Variants in MAP9 observed in about 807,000 individuals in gnomAD.
The protein encoded by MAP9 is microtubule-associated protein 9.
Under a neutral mutation model 75.2 loss-of-function variants are expected in MAP9, and 80 were observed. That is an observed-to-expected ratio of 1.06 (90% CI 0.89 to 1.28). MAP9 has a LOEUF of 1.28. Ranked by LOEUF, MAP9 falls within the 50% of genes most tolerant of loss-of-function variation. The pLI is 0.00. For synonymous variants in MAP9, 235 were observed against 237.3 expected (o/e 0.99, Z 0.09); for missense variants, 753 against 719.9 (o/e 1.05, Z -0.53).
Position 155,357,434 on chromosome 4 carries a change from T to C in MAP9, c.1121+15A>G. ...ATGCAAGCCCATAAATGACAAATAT[T>C]GGTAACTTTATTACCTGGCAGATGC... On this transcript the variant is annotated intron_variant, in intron 8 of 13. Transcript: ENST00000311277. 1 of 1,488,800 alleles carries C rather than the reference T, an allele frequency of 6.7e-7. No individual in the cohort carries two copies. The highest frequency in any genetic ancestry group is 1.1e-5 in the South Asian group (1 of 87,676). The allele number at this position is 1,488,800 out of a possible 1,614,324, so 92.2% of individuals were successfully genotyped here. A position where few individuals can be genotyped will look rare whatever the true frequency, so the allele number is the denominator to read the frequency against.
chr4:155,376,695 C>T (rs1000797466), intron 1 of MAP9, 76 bp downstream of exon 1: 14 of 153,184 alleles, frequency 9.1e-5, no homozygotes, highest in African/African-American at 3.1e-4. Context: ...CTTTCTGTTC[C>T]CGGCCCCGGA....
chr4:155,348,040 G>T, intron 13 of MAP9, 135 bp from the exon 14 acceptor site: 1 of 610,778 alleles, frequency 1.6e-6, no homozygotes, highest in Admixed American at 3.4e-5. Context: ...AGATCATAAA[G>T]AAATAACAGG....
At chr4:155,356,096 G>A (rs1182699987) in intron 8 of MAP9, among the ~76,000 whole-genome samples, 1 of 152,020 alleles carries the variant, frequency 6.6e-6, no homozygotes, top group African/African-American at 2.4e-5. Flanking sequence ...GTGAAACCCT[G>A]TCTCTACCAA....
At chr4:155,359,208 T>TACACACAC (rs747371949) in intron 7 of MAP9, among the ~76,000 whole-genome samples, 1 of 89,638 alleles carries the variant, frequency 1.1e-5, no homozygotes, top group Non-Finnish European at 2.2e-5. Flanking sequence ...AGAAAATGTG[T>TACACACAC]ATACACACAC....
At chr4:155,355,365 A>G (rs1731725745) in intron 9 of MAP9, among the ~76,000 whole-genome samples, 2 of 152,272 alleles carry the variant, frequency 1.3e-5, no homozygotes, top group South Asian at 4.1e-4. Flanking sequence ...CATCTCAGGA[A>G]AGAAAAAATT....
Position 155,368,823 on chromosome 4 carries a change from A to C in MAP9, c.482-11T>G, listed in dbSNP as rs571485218. ...GGCTGTTGTTTTCTGCTGAAAAATA[A>C]AATGCTTAAAGTGTGTGTATAAAAA... On this transcript the variant is annotated splice_polypyrimidine_tract_variant and intron_variant, in intron 4 of 13. Transcript: ENST00000311277. 1 of 1,594,492 alleles carries C rather than the reference A, an allele frequency of 6.3e-7. No individual in the cohort carries two copies.
chr4:155,368,765 G>A lies in MAP9; in HGVS notation c.529C>T (p.Arg177Trp), dbSNP rs3733391. 0.21 allele frequency: 338,693 copies of A among 1,606,470 alleles called. 38,675 individuals carry two copies. Among genetic ancestry groups the A allele is most frequent in the South Asian group, 0.27 (24,758 of 90,872 alleles). The part of the protein sequence containing the change: ...DTDDHFKPSP[R>W]PRSMLKKKSH... ...TTCTTTTTCAACATACTCCTTGGCC[G>A]AGGTGATGGTTTAAAGTGATCATCT... Residue 177 changes from arginine to tryptophan, a missense_variant, in exon 5 of 14, where the codon CGG becomes TGG. By Grantham distance (101) the Arg-to-Trp change is moderately radical (BLOSUM62 -3). Coordinates refer to ENST00000311277, the MANE Select transcript of MAP9 (RefSeq NM_001039580.2).
chr4:155,368,429 G>C (rs1732425247), intron 5 of MAP9, 157 bp downstream of exon 5: 1 of 662,280 alleles, frequency 1.5e-6, no homozygotes, highest in Non-Finnish European at 2.7e-6. Context: ...GTGGAATACA[G>C]TGTATTTTTA....
chr4:155,347,635 A>G lies in MAP9; in HGVS notation c.*148T>C. On this transcript the variant is annotated 3_prime_UTR_variant, in exon 14 of 14. Transcript: ENST00000311277. ...TCAAAAAAATGCTTTCACTGATTAC[A>G]TTCCAAAGTATTTCTTTCATTGTCA... The G allele has an allele frequency of 1.3e-6, 1 of 759,560 alleles. No homozygotes were observed. The highest frequency in any genetic ancestry group is 3.0e-5 in the East Asian group (1 of 33,228). The allele number at this position is 759,560 out of a possible 1,614,324, so 47.1% of individuals were successfully genotyped here.
At chr4:155,358,643 T>A (rs935739237) in intron 7 of MAP9, among the ~76,000 whole-genome samples, 2 of 152,104 alleles carry the variant, frequency 1.3e-5, no homozygotes, top group Non-Finnish European at 2.9e-5. Flanking sequence ...CAGGCACAAT[T>A]TAATGTAGGG....
rs148062712 is a variant in MAP9 at position 155,375,844 on chromosome 4, C to G, written c.7G>C (p.Asp3His). MS[D>H]EVFSTTLAYT... ...GCCAAAGTGGTGCTAAAAACTTCAT[C>G]AGACATAGTGTATTTTTTCTCGTTA... The change falls in exon 2 of 14, where the codon GAT becomes CAT. Residue 3 changes from aspartate to histidine, a missense_variant. Coordinates refer to ENST00000311277, the MANE Select transcript of MAP9 (RefSeq NM_001039580.2). 2.3e-3 allele frequency: 3,717 copies of G among 1,606,534 alleles called. 7 individuals are homozygous for G. The highest frequency in any genetic ancestry group is 2.9e-3 in the Non-Finnish European group (3,437 of 1,174,980).
chr4:155,366,431 A>T (rs1732334492), intron 5 of MAP9, among the ~76,000 whole-genome samples: 1 of 152,182 alleles, frequency 6.6e-6, no homozygotes, highest in Non-Finnish European at 1.5e-5. Flanking sequence ...AATTAAACAA[A>T]CAATAGAGAA....
At chr4:155,359,574 A>G (rs943907659) in intron 7 of MAP9, among the ~76,000 whole-genome samples, 2 of 152,018 alleles carry the variant, frequency 1.3e-5, no homozygotes, top group African/African-American at 2.4e-5. Flanking sequence ...TTAAATTTAC[A>G]TGAATTGAAA....
At chr4:155,372,273 T>A (rs931338332) in intron 4 of MAP9, among the ~76,000 whole-genome samples, 4 of 152,170 alleles carry the variant, frequency 2.6e-5, no homozygotes, top group Admixed American at 6.5e-5. Flanking sequence ...ATGCAAAGTA[T>A]GAAATATTTA....
intron 13 of MAP9, 144 bp downstream of exon 13, chr4:155,352,452 G>T: frequency 1.6e-5 from 12 of 735,376 alleles, no homozygotes; most frequent in Non-Finnish European, 2.4e-5. Flanking sequence ...TATGCTATAT[G>T]CAGGAGGAGA....
In MAP9 at chr4:155,365,480, G is replaced by A. The variant is rs577340657; in HGVS notation, c.708+3106C>T. Among the ~76,000 whole-genome samples, 5 of 152,096 alleles carry A rather than the reference G, an allele frequency of 3.3e-5. No individual in the cohort carries two copies. In the South Asian group the frequency reaches 8.3e-4, roughly 25 times the overall value. ...ATGAAAAATCAGTAAGGATAAAGAA[G>A]ATCTGAATGATATTACCAACCATGT... On this transcript the variant is annotated intron_variant, in intron 5 of 13. Coordinates refer to ENST00000311277, the MANE Select transcript of MAP9 (RefSeq NM_001039580.2).
intron 4 of MAP9, among the ~76,000 whole-genome samples, chr4:155,372,823 G>T (rs1732660694): frequency 6.6e-6 from 1 of 152,152 alleles, no homozygotes; most frequent in African/African-American, 2.4e-5. Flanking sequence ...AAGCTCACAG[G>T]TCTAGGTGTC....
rs1731237845 is a variant in MAP9, at chr4:155,345,144, T to G, written c.*2639A>C. ...TTCAAGAGAATATTACCAAGCTTGATTCTCTCCCTTGGATCTTAGGAAGTA... is the reference window on the plus strand; with the variant it reads ...TTCAAGAGAATATTACCAAGCTTGAGTCTCTCCCTTGGATCTTAGGAAGTA... On this transcript the variant is annotated 3_prime_UTR_variant, in exon 14 of 14. Transcript: ENST00000311277. 6.6e-6 allele frequency: 1 copy of G among 152,112 alleles called. No individual in the cohort carries two copies. Among genetic ancestry groups the G allele is most frequent in the Middle Eastern group, 3.4e-3 (1 of 294 alleles). The allele number at this position is 152,112 out of a possible 1,614,324, so 9.4% of individuals were successfully genotyped here. A position where few individuals can be genotyped will look rare whatever the true frequency, so the allele number is the denominator to read the frequency against.
chr4:155,348,794 TCAAA>T (rs796719913), intron 13 of MAP9, among the ~76,000 whole-genome samples: 50 of 152,324 alleles, frequency 3.3e-4, no homozygotes, highest in African/African-American at 1.2e-3. Flanking sequence ...TATCTTTGCA[TCAAA>T]CATTTTGCCT....
Sources: allele counts gnomAD v4.1 joint callset (sites outside exome capture counted in the v4.1 genomes callset), GRCh38; gene constraint gnomAD v4.1.1; transcripts MANE v1.5; gene names NCBI Gene and HGNC (gene_info 2026-07-23, HGNC 2026-07-21).